The following FBXL18 variants were observed in gnomAD, a reference collection of about 807,000 sequenced individuals.
The protein encoded by FBXL18 is F-box and leucine rich repeat protein 18, also known as F-box/LRR-repeat protein 18.
In FBXL18, 36 loss-of-function variants were observed where a neutral mutation model predicts 46.0. The observed-to-expected ratio is 0.78, with a 90% CI of 0.60 to 1.03. The LOEUF is 1.03. Among genes scored for constraint, FBXL18 ranks in the 50% least tolerant of loss-of-function variants. FBXL18 has a pLI of 0.00. For synonymous variants in FBXL18, 557 were observed against 465.3 expected, an observed-to-expected ratio of 1.20 and a Z score of -2.54; for missense variants, 977 against 1,004.1, an observed-to-expected ratio of 0.97 and a Z score of 0.36.
intron 1 of FBXL18, among the ~76,000 whole-genome samples, chr7:5,507,176 T>G (rs998912362): frequency 6.6e-6 from 1 of 152,182 alleles, no homozygotes; most frequent in Non-Finnish European, 1.5e-5. Context: ...CTGTACATAT[T>G]TGCCTGGATG....
At position 5,478,753 on chromosome 7, in the gene FBXL18, C is replaced by G. The variant is rs1185994706; in HGVS notation, c.*3022G>C. On this transcript the variant is annotated 3_prime_UTR_variant, in exon 5 of 5. Transcript: ENST00000382368. ...AAGGCACACGTGCACACACAGGGCA[C>G]AGGTACACGCAGGCACATGTACACA... 2 of 151,758 alleles carry G rather than the reference C, an allele frequency of 1.3e-5. No individual in the cohort carries two copies. Among genetic ancestry groups the G allele is most frequent in the African/African-American group, 4.9e-5 (2 of 41,230 alleles). 9.4% of individuals were successfully genotyped at this position (151,758 alleles called of 1,614,324 possible). A position where few individuals can be genotyped will look rare whatever the true frequency, so the allele number is the denominator to read the frequency against.
In FBXL18 at chr7:5,513,801, G is replaced by A; in HGVS notation, c.-127C>T. On this transcript the variant is annotated 5_prime_UTR_variant, in exon 1 of 5. It adds an upstream start codon to the 5' untranslated region. Coordinates refer to ENST00000382368, the MANE Select transcript of FBXL18 (RefSeq NM_024963.6). ...AGACCCCGGCAAGGAGCGGGCTCTC[G>A]TCACTTCCGGCGCCCGCCTACACGC... 3 of 1,333,596 alleles carry A rather than the reference G, an allele frequency of 2.2e-6. No individual in the cohort carries two copies. Among genetic ancestry groups the A allele is most frequent in the South Asian group, 1.4e-5 (1 of 70,620 alleles). 82.6% of individuals were successfully genotyped at this position (1,333,596 alleles called of 1,614,324 possible). A position where few individuals can be genotyped will look rare whatever the true frequency, so the allele number is the denominator to read the frequency against.
At chr7:5,486,250 T>A (rs1390676058) in intron 4 of FBXL18, among the ~76,000 whole-genome samples, 16 of 18,566 alleles carry the variant, frequency 8.6e-4, no homozygotes, top group African/African-American at 2.0e-3. Flanking sequence ...AAACTCCATC[T>A]CAAAAAAAAA....
In FBXL18 at chr7:5,463,827, G is replaced by A. The variant is rs554944052; in HGVS notation, c.2001-15984C>T. Among the ~76,000 whole-genome samples, 9 of 143,962 alleles carry A rather than the reference G, an allele frequency of 6.3e-5. No homozygotes were observed. The East Asian group carries it at 1.3e-3, about 20-fold the overall frequency. 94.4% of individuals were successfully genotyped at this position (143,962 alleles called of 152,430 possible). On this transcript the variant is annotated intron_variant and NMD_transcript_variant, in intron 4 of 6. Coordinates refer to the FBXL18 transcript ENST00000415009. The stretch of plus-strand genomic sequence containing the variant: ...GCAGTCTCGGCTCACTACAACCTCT[G>A]CCTCCCAGGTTCAAGCGATTCTCCT...
chr7:5,460,258 C>A (rs1418928837), intron 4 of FBXL18, among the ~76,000 whole-genome samples: 2 of 152,010 alleles, frequency 1.3e-5, no homozygotes, highest in Non-Finnish European at 2.9e-5. Flanking sequence ...TCCAAAAAAA[C>A]AAACAAACAA....
rs1427761747 is a variant in FBXL18 at position 5,501,450 on chromosome 7, G to A, written c.819C>T (p.Phe273=). The A allele has an allele frequency of 1.9e-6, 3 of 1,612,408 alleles. No individual in the cohort carries two copies. Among genetic ancestry groups the A allele is most frequent in the East Asian group, 2.2e-5 (1 of 44,804 alleles). ...GGTTCTTGGTGGCGCCGCTCTCCGC[G>A]AAGCTGCCAGGGACGGAGATGAGGA... ...HAFLISVPGS[F]AESGATKNLL... is the part of the protein sequence containing the mutation. Residue 273 remains phenylalanine (F), a synonymous_variant, in exon 3 of 5, where the codon TTC becomes TTT. Coordinates refer to ENST00000382368, the MANE Select transcript of FBXL18 (RefSeq NM_024963.6).
At chr7:5,499,919 GC>G (rs1784187129) in intron 3 of FBXL18, among the ~76,000 whole-genome samples, 1 of 151,544 alleles carries the variant, frequency 6.6e-6, no homozygotes, top group South Asian at 2.1e-4. Flanking sequence ...TATATATATA[GC>G]CAGGCATGAT....
intron 4 of FBXL18, among the ~76,000 whole-genome samples, chr7:5,459,873 G>T (rs1783220276): frequency 6.6e-6 from 1 of 151,938 alleles, no homozygotes; most frequent in Non-Finnish European, 1.5e-5. Context: ...AGATCACGCT[G>T]TCGTACTCCA....
chr7:5,461,230 A>G (rs1256200325), intron 4 of FBXL18, among the ~76,000 whole-genome samples: 1 of 152,096 alleles, frequency 6.6e-6, no homozygotes, highest in Non-Finnish European at 1.5e-5. Context: ...AGCACCTACT[A>G]TGTGCTGGGC....
At chr7:5,456,767 T>G (rs1783180930) in intron 4 of FBXL18, among the ~76,000 whole-genome samples, 1 of 152,132 alleles carries the variant, frequency 6.6e-6, no homozygotes, top group African/African-American at 2.4e-5. Context: ...GCCAGTCCCC[T>G]TTTTTTGTTT....
At chr7:5,466,169 T>TAAA (rs995026212) in intron 4 of FBXL18, among the ~76,000 whole-genome samples, 5 of 123,618 alleles carry the variant, frequency 4.0e-5, no homozygotes, top group African/African-American at 1.2e-4. Flanking sequence ...TCAGAGAATT[T>TAAA]AAAAAAAAAA....
chr7:5,494,869 G>A (rs765210092), intron 3 of FBXL18, among the ~76,000 whole-genome samples: 3 of 152,192 alleles, frequency 2.0e-5, no homozygotes, highest in East Asian at 1.9e-4. Flanking sequence ...TCTGCAGAGC[G>A]TGGAAAAAAA....
chr7:5,512,297 TAAAAAAA>T lies in FBXL18; in HGVS notation c.18+1353_18+1359del, dbSNP rs71004681. 4.5e-3 allele frequency among the ~76,000 whole-genome samples: 387 copies of T among 85,556 alleles called. 3 individuals carry two copies. Among genetic ancestry groups the T allele is most frequent in the African/African-American group, 0.014 (343 of 24,586 alleles). 56.1% of individuals were successfully genotyped at this position (85,556 alleles called of 152,430 possible). On this transcript the variant is annotated intron_variant, in intron 1 of 4. Transcript: ENST00000382368. ...GCACTGAACCATGTGAAGTGTTATT[TAAAAAAA>T]AAAAAAAAAAAAAAAAAAAGCAGAG...
rs745925533 is a variant in FBXL18, at chr7:5,490,138, C to T, written c.2000+1093G>A. 6.6e-6 allele frequency: 9 copies of T among 1,359,850 alleles called. No homozygotes were observed. In the African/African-American group the frequency reaches 1.3e-4, roughly 20 times the overall value. 84.2% of individuals were successfully genotyped at this position (1,359,850 alleles called of 1,614,324 possible). A position where few individuals can be genotyped will look rare whatever the true frequency, so the allele number is the denominator to read the frequency against. Reference sequence around the variant, plus strand: ...GCAGGGTTGTCGGCGCCCAGTGGCTCGAGACGTCCTGGCTGATGGCTCTTC... The same window carrying T: ...GCAGGGTTGTCGGCGCCCAGTGGCTTGAGACGTCCTGGCTGATGGCTCTTC... On this transcript the variant is annotated intron_variant, in intron 4 of 4. Coordinates refer to ENST00000382368, the MANE Select transcript of FBXL18 (RefSeq NM_024963.6).
intron 4 of FBXL18, among the ~76,000 whole-genome samples, chr7:5,470,702 GGGGGAGA>G (rs1783414335): frequency 8.7e-4 from 1 of 1,146 alleles, no homozygotes; most frequent in South Asian, 0.036. Flanking sequence ...CCCTTCCCGG[GGGGGAGA>G]TGTCCCCTTC....
rs914904765 is a variant in FBXL18 at position 5,491,453 on chromosome 7, C to T, written c.1782-4G>A. On this transcript the variant is annotated splice_polypyrimidine_tract_variant and splice_region_variant and intron_variant, in intron 3 of 4. Transcript: ENST00000382368. ...GCTGAAGTAGGGCTGCTCCAGCCTG[C>T]GGGGAGAGAGGGCAGCTGTGAGGTC... 6 of 1,566,930 alleles carry T rather than the reference C, an allele frequency of 3.8e-6. No homozygotes were observed. The highest frequency in any genetic ancestry group is 1.3e-5 in the African/African-American group (1 of 74,312).
rs1783558244 is a variant in FBXL18 at position 5,478,080 on chromosome 7, TTG to T, written c.*3693_*3694del. On this transcript the variant is annotated 3_prime_UTR_variant, in exon 5 of 5. Coordinates refer to ENST00000382368, the MANE Select transcript of FBXL18 (RefSeq NM_024963.6). ...GCGCTGCTGAGCTGGCAGGCAACCC[TTG>T]TGTGTTTGCAGCGCAAGAGGAGCTC... is the stretch of plus-strand genomic sequence containing the variant. 1 of 152,346 alleles carries T rather than the reference TTG, an allele frequency of 6.6e-6. No homozygotes were observed. Among genetic ancestry groups the T allele is most frequent in the South Asian group, 2.1e-4 (1 of 4,838 alleles). 9.4% of individuals were successfully genotyped at this position (152,346 alleles called of 1,614,324 possible). A position where few individuals can be genotyped will look rare whatever the true frequency, so the allele number is the denominator to read the frequency against.
chr7:5,484,414 G>A (rs1417147107), intron 4 of FBXL18, among the ~76,000 whole-genome samples: 2 of 149,486 alleles, frequency 1.3e-5, no homozygotes, highest in African/African-American at 4.9e-5. Context: ...AGCTTGCAGT[G>A]AGCAGAGATT....
intron 2 of FBXL18, among the ~76,000 whole-genome samples, chr7:5,502,471 G>A (rs942624446): frequency 2.5e-4 from 38 of 152,058 alleles, no homozygotes; most frequent in African/African-American, 9.2e-4. Flanking sequence ...GGAGGTGGAG[G>A]TTGCAATTAG....
Sources: allele counts gnomAD v4.1 joint callset (sites outside exome capture counted in the v4.1 genomes callset), GRCh38; gene constraint gnomAD v4.1.1; transcripts MANE v1.5; gene names NCBI Gene and HGNC (gene_info 2026-07-23, HGNC 2026-07-21).